SLC30A8: variants seen among roughly 807,000 people sequenced by gnomAD.
SLC30A8 encodes the protein proton-coupled zinc antiporter SLC30A8.
In SLC30A8, 27 loss-of-function variants were observed where a neutral mutation model predicts 36.9. The ratio of observed to expected loss-of-function variants is 0.73; its 90% CI spans 0.54 to 1.01. The LOEUF (loss-of-function observed/expected upper bound fraction) is 1.01. SLC30A8 is among the 50% of genes least tolerant of loss of function. The pLI is 0.00. For synonymous variants in SLC30A8, 164 were observed against 172.4 expected (o/e 0.95, Z 0.38); for missense variants, 439 against 452.0 (o/e 0.97, Z 0.26).
intron 1 of SLC30A8, among the ~76,000 whole-genome samples, chr8:117,003,387 A>G (rs1254757694): frequency 1.3e-5 from 2 of 152,214 alleles, no homozygotes; most frequent in Non-Finnish European, 2.9e-5. Flanking sequence ...ATACTAGCTT[A>G]CTGAGTGTGT....
intron 2 of SLC30A8, among the ~76,000 whole-genome samples, chr8:117,057,063 A>G (rs988128454): frequency 6.6e-5 from 10 of 152,216 alleles, no homozygotes; most frequent in African/African-American, 2.2e-4. Flanking sequence ...GTAGCTTATC[A>G]GCAACAGAAA....
chr8:117,022,226 G>A (rs1816721949), intron 1 of SLC30A8, among the ~76,000 whole-genome samples: 1 of 151,450 alleles, frequency 6.6e-6, no homozygotes, highest in Non-Finnish European at 1.5e-5. Flanking sequence ...AACAAGTTAA[G>A]TTCCTATAAG....
At chr8:116,978,375 T>C (rs1378416365) in intron 1 of SLC30A8, among the ~76,000 whole-genome samples, 1 of 152,116 alleles carries the variant, frequency 6.6e-6, no homozygotes, top group Non-Finnish European at 1.5e-5. Context: ...ATTTGCATCA[T>C]TGAATAGAAA....
intron 2 of SLC30A8, among the ~76,000 whole-genome samples, chr8:117,043,422 GA>G (rs1203403480): frequency 6.6e-6 from 1 of 152,182 alleles, no homozygotes; most frequent in Non-Finnish European, 1.5e-5. Context: ...AGACACCAGG[GA>G]AGTCATCGTA....
intron 2 of SLC30A8, among the ~76,000 whole-genome samples, chr8:117,095,638 A>G (rs1318427358): frequency 6.6e-6 from 1 of 152,146 alleles, no homozygotes; most frequent in Non-Finnish European, 1.5e-5. Flanking sequence ...GAATAGGGAG[A>G]TGGTCAAAGC....
intron 6 of SLC30A8, among the ~76,000 whole-genome samples, chr8:117,166,519 C>T (rs1391068079): frequency 1.3e-5 from 2 of 152,144 alleles, no homozygotes; most frequent in Non-Finnish European, 2.9e-5. Context: ...TCTGAGCCCA[C>T]TCCCACAATT....
chr8:117,148,448 ATAAT>A (rs949227800), intron 2 of SLC30A8, among the ~76,000 whole-genome samples: 1 of 152,154 alleles, frequency 6.6e-6, no homozygotes. Flanking sequence ...TGTCAAGGAC[ATAAT>A]TAATGTAGAT....
intron 2 of SLC30A8, among the ~76,000 whole-genome samples, chr8:117,079,627 A>C (rs1026558793): frequency 6.6e-6 from 1 of 152,186 alleles, no homozygotes; most frequent in Non-Finnish European, 1.5e-5. Context: ...GTATAAAGAT[A>C]AGTTGATGGG....
intron 1 of SLC30A8, among the ~76,000 whole-genome samples, chr8:116,965,472 A>T (rs955631685): frequency 1.3e-5 from 2 of 152,258 alleles, no homozygotes; most frequent in South Asian, 2.1e-4. Flanking sequence ...GGACTATTTT[A>T]AAAATGTCTT....
rs568012802 is a variant in SLC30A8 at position 117,172,114 on chromosome 8, G to T, written c.965-422G>T. Among the ~76,000 whole-genome samples the T allele has an allele frequency of 8.3e-4, 126 of 152,200 alleles. 1 individual carries two copies. The highest frequency in any genetic ancestry group is 3.0e-3 in the African/African-American group (123 of 41,570). On this transcript the variant is annotated intron_variant, in intron 7 of 7. Transcript: ENST00000456015. ...CTGCTCTAAGAAAGGTCTGTGGGGAGCTCTAAACGCTTCCTGGTTCCTGTC... is the reference window on the plus strand; with the variant it reads ...CTGCTCTAAGAAAGGTCTGTGGGGATCTCTAAACGCTTCCTGGTTCCTGTC...
intron 1 of SLC30A8, among the ~76,000 whole-genome samples, chr8:117,144,041 C>T (rs1429225756): frequency 6.6e-6 from 1 of 152,052 alleles, no homozygotes; most frequent in Admixed American, 6.6e-5. Context: ...CTTCATATGA[C>T]CACAGCATAC....
Position 117,000,799 on chromosome 8 carries a change from G to T in SLC30A8, c.-265-38420G>T, listed in dbSNP as rs142681972. Among the ~76,000 whole-genome samples, 257 of 152,282 alleles carry T rather than the reference G, an allele frequency of 1.7e-3. 2 individuals are homozygous for T. The highest frequency in any genetic ancestry group is 5.6e-3 in the African/African-American group (233 of 41,562). On this transcript the variant is annotated intron_variant, in intron 1 of 10. Transcript: ENST00000427715. ...ATCTTGACGTTACTACACGGTGGCT[G>T]TGTGAACTTGGGTAAGTTACATAAC...
At chr8:117,046,721 T>C (rs1328129294) in intron 2 of SLC30A8, among the ~76,000 whole-genome samples, 1 of 152,202 alleles carries the variant, frequency 6.6e-6, no homozygotes, top group Non-Finnish European at 1.5e-5. Context: ...TCTCAAGATC[T>C]TTCTCTTTCT....
chr8:117,063,618 T>C (rs1250243890), intron 2 of SLC30A8, among the ~76,000 whole-genome samples: 1 of 152,198 alleles, frequency 6.6e-6, no homozygotes, highest in Admixed American at 6.5e-5. Context: ...CTATGTCCTG[T>C]TCCCTGGCAA....
chr8:117,159,183 T>C (rs945985406), intron 4 of SLC30A8, among the ~76,000 whole-genome samples: 1 of 151,322 alleles, frequency 6.6e-6, no homozygotes, highest in Non-Finnish European at 1.5e-5. Flanking sequence ...AGAACTATAA[T>C]AAGTTTGTGT....
chr8:117,015,016 T>TAC (rs1816468972), intron 1 of SLC30A8, among the ~76,000 whole-genome samples: 1 of 149,382 alleles, frequency 6.7e-6, no homozygotes, highest in Non-Finnish European at 1.5e-5. Flanking sequence ...ATATTACAAA[T>TAC]ATATATATAT....
chr8:117,116,856 TGTGA>T (rs2130890477), intron 2 of SLC30A8, among the ~76,000 whole-genome samples: 1 of 152,176 alleles, frequency 6.6e-6, no homozygotes, highest in South Asian at 2.1e-4. Context: ...AATGGTTTCA[TGTGA>T]GTGAATGCAA....
At chr8:117,003,257 A>C (rs571118680) in intron 1 of SLC30A8, among the ~76,000 whole-genome samples, 2 of 152,338 alleles carry the variant, frequency 1.3e-5, no homozygotes, top group East Asian at 3.9e-4. Flanking sequence ...ATCAAGAAAC[A>C]AAATGGTATT....
intron 1 of SLC30A8, among the ~76,000 whole-genome samples, chr8:117,012,004 G>C (rs1321184209): frequency 6.6e-6 from 1 of 152,104 alleles, no homozygotes. Context: ...GCTCCTTGAG[G>C]ATAGAAATTT....
Sources: gnomAD v4.1 joint callset for allele counts (sites outside exome capture counted in the v4.1 genomes callset) on GRCh38, gnomAD v4.1.1 for gene constraint, MANE v1.5 for transcripts, NCBI Gene and HGNC (gene_info 2026-07-23, HGNC 2026-07-21) for gene names.